Variants in MTMR8 observed in about 807,000 individuals in gnomAD.
The protein encoded by MTMR8 is phosphatidylinositol-3,5-bisphosphate 3-phosphatase MTMR8.
Under a neutral mutation model 39.3 loss-of-function variants are expected in MTMR8, and 65 were observed. The observed-to-expected ratio is 1.65, with a 90% CI of 1.35 to 2.03. The LOEUF is 2.03. Among genes scored for constraint, MTMR8 ranks in the 30% most tolerant of loss-of-function variants. The probability of loss-of-function intolerance (pLI) is 0.00; values close to 1 mark genes in which losing one functional copy is unlikely to be tolerated. For missense variants in MTMR8, 777 were observed against 538.9 expected (o/e 1.44, Z -4.37); for synonymous variants, 245 against 185.2 (o/e 1.32, Z -2.62).
rs748549699 is a variant in MTMR8, at chrX:64,395,390, C to T, written c.-27G>A. 3 of 1,204,942 alleles carry T rather than the reference C, an allele frequency of 2.5e-6. No homozygotes were observed. The highest frequency in any genetic ancestry group is 1.8e-5 in the South Asian group (1 of 56,793). ...ACTGCAGTTCCCGCCACCGGAAGAT[C>T]TCAGTGCTACTCCAGATGCCGCCGC... On this transcript the variant is annotated 5_prime_UTR_variant, in exon 1 of 14. Transcript: ENST00000374852.
chrX:64,361,073 G>T lies in MTMR8; in HGVS notation c.25-1546C>A, dbSNP rs1394818196. Among the ~76,000 whole-genome samples, 3 of 110,763 alleles carry T rather than the reference G, an allele frequency of 2.7e-5. No individual in the cohort carries two copies. In the East Asian group the frequency reaches 8.5e-4, roughly 31 times the overall value. On this transcript the variant is annotated intron_variant, in intron 1 of 13. Coordinates refer to ENST00000374852, the MANE Select transcript of MTMR8 (RefSeq NM_017677.4). ...AAAAGATGCAAATAAACAAAATACA[G>T]AATGAAAAAGGGAAAATATAAAAAA...
intron 1 of MTMR8, among the ~76,000 whole-genome samples, chrX:64,386,429 G>C (rs768101374): frequency 3.9e-4 from 44 of 111,659 alleles, no homozygotes; most frequent in African/African-American, 1.3e-3. Flanking sequence ...AAAAGCCAGA[G>C]GGACCAGTGT....
chrX:64,384,729 G>T (rs1924515381), intron 1 of MTMR8, among the ~76,000 whole-genome samples: 1 of 112,585 alleles, frequency 8.9e-6, no homozygotes, highest in African/African-American at 3.2e-5. Flanking sequence ...GATGCCCAGG[G>T]CTGCAGGGCC....
chrX:64,343,193 T>A (rs1602139438), intron 8 of MTMR8, among the ~76,000 whole-genome samples: 1 of 111,941 alleles, frequency 8.9e-6, no homozygotes, highest in South Asian at 3.8e-4. Context: ...CAAAAATATA[T>A]CACAGAATAA....
At position 64,368,931 on chromosome X, in the gene MTMR8, C is replaced by T. The variant is rs765345192; in HGVS notation, c.25-9404G>A. ...ATTACAAGAAAAAGTCAAACAACCC[C>T]ATCAAAAAGTTGGTGAAGGATATGA... On this transcript the variant is annotated intron_variant, in intron 1 of 13. Transcript: ENST00000374852. Among the ~76,000 whole-genome samples the T allele has an allele frequency of 1.2e-3, 133 of 112,102 alleles. 1 individual carries two copies. The highest frequency in any genetic ancestry group is 4.2e-3 in the African/African-American group (130 of 30,895).
At chrX:64,314,013 C>A (rs1922389391) in intron 12 of MTMR8, among the ~76,000 whole-genome samples, 1 of 112,260 alleles carries the variant, frequency 8.9e-6, no homozygotes, top group African/African-American at 3.2e-5. Flanking sequence ...GTTCAGTTGA[C>A]TGGGTTCATT....
chrX:64,292,804 A>G (rs892361692), intron 12 of MTMR8, among the ~76,000 whole-genome samples: 14 of 111,199 alleles, frequency 1.3e-4, no homozygotes, highest in African/African-American at 4.2e-4. Context: ...CTAATAGGGG[A>G]ATTAAACAAT....
chrX:64,360,920 G>A (rs1215280122), intron 1 of MTMR8, among the ~76,000 whole-genome samples: 1 of 111,051 alleles, frequency 9.0e-6, no homozygotes, highest in Admixed American at 9.6e-5. Context: ...AGATGATAAA[G>A]CACAGAAATT....
chrX:64,329,683 G>T (rs925383007), intron 11 of MTMR8, among the ~76,000 whole-genome samples: 1 of 111,063 alleles, frequency 9.0e-6, no homozygotes, highest in African/African-American at 3.3e-5. Context: ...AGCTAAAGGA[G>T]AACTGAAGAG....
At chrX:64,301,705 G>GT (rs1190688772) in intron 12 of MTMR8, among the ~76,000 whole-genome samples, 1 of 111,297 alleles carries the variant, frequency 9.0e-6, no homozygotes, top group Non-Finnish European at 1.9e-5. Flanking sequence ...CATCTTTGCG[G>GT]TTTTATCTAC....
At chrX:64,307,605 A>T (rs1325130726) in intron 12 of MTMR8, among the ~76,000 whole-genome samples, 1 of 111,617 alleles carries the variant, frequency 9.0e-6, no homozygotes, top group Non-Finnish European at 1.9e-5. Context: ...ATAGCCATAT[A>T]AATGTCTTGA....
intron 1 of MTMR8, among the ~76,000 whole-genome samples, chrX:64,368,283 A>T (rs941025463): frequency 4.5e-5 from 5 of 111,955 alleles, no homozygotes; most frequent in Non-Finnish European, 9.4e-5. Context: ...GGAATCAAAA[A>T]AGAGCCCGCA....
chrX:64,351,758 C>T (rs751805108), intron 4 of MTMR8, among the ~76,000 whole-genome samples: 1 of 111,302 alleles, frequency 9.0e-6, no homozygotes, highest in African/African-American at 3.3e-5. Flanking sequence ...GTCTGATGTT[C>T]GAGGGCAGGA....
At chrX:64,342,442 C>A (rs1161432620) in intron 8 of MTMR8, among the ~76,000 whole-genome samples, 1 of 112,370 alleles carries the variant, frequency 8.9e-6, no homozygotes, top group East Asian at 2.8e-4. Context: ...CCAAGCCTAT[C>A]TTTTTGGTTC....
intron 10 of MTMR8, among the ~76,000 whole-genome samples, chrX:64,334,620 C>T (rs1327318587): frequency 9.6e-6 from 1 of 104,711 alleles, no homozygotes; most frequent in African/African-American, 3.4e-5. Context: ...ATCTTCTCCT[C>T]ACTGGCTCGG....
chrX:64,368,783 T>C (rs1237961954), intron 1 of MTMR8, among the ~76,000 whole-genome samples: 1 of 112,101 alleles, frequency 8.9e-6, no homozygotes, highest in East Asian at 2.8e-4. Context: ...CTAAAGAGCT[T>C]CTGCAATGCA....
chrX:64,298,716 T>A (rs1921724245), intron 12 of MTMR8, among the ~76,000 whole-genome samples: 1 of 82,800 alleles, frequency 1.2e-5, no homozygotes, highest in Non-Finnish European at 2.0e-5. Flanking sequence ...GCTGTGGGTT[T>A]GTCATAGATA....
At chrX:64,350,401 G>A (rs1371505046) in intron 4 of MTMR8, among the ~76,000 whole-genome samples, 2 of 111,186 alleles carry the variant, frequency 1.8e-5, no homozygotes, top group Non-Finnish European at 3.8e-5. Flanking sequence ...GCTCTGATAT[G>A]CACACGTAGG....
At chrX:64,281,021 A>G (rs1602104762) in intron 12 of MTMR8, among the ~76,000 whole-genome samples, 1 of 111,256 alleles carries the variant, frequency 9.0e-6, no homozygotes, top group Admixed American at 9.6e-5. Context: ...AAGGAGAACT[A>G]TAAACCACTG....
Sources: gnomAD v4.1 joint callset for allele counts (sites outside exome capture counted in the v4.1 genomes callset) on GRCh38, gnomAD v4.1.1 for gene constraint, MANE v1.5 for transcripts, NCBI Gene and HGNC (gene_info 2026-07-23, HGNC 2026-07-21) for gene names.